USP54: variants seen among roughly 807,000 people sequenced by gnomAD.
The protein encoded by USP54 is ubiquitin specific peptidase 54.
Under a neutral mutation model 170.5 loss-of-function variants are expected in USP54, and 87 were observed. That is an observed-to-expected ratio of 0.51 (90% CI 0.43 to 0.61). The LOEUF is 0.61. Ranked by LOEUF, USP54 falls within the 20% of genes least tolerant of loss-of-function variation. The pLI, the probability that USP54 is intolerant of heterozygous loss-of-function variation, is 0.00. For synonymous variants in USP54, 655 were observed against 742.8 expected (o/e 0.88, Z 1.92); for missense variants, 1,786 against 2,047.8 (o/e 0.87, Z 2.47).
intron 1 of USP54, among the ~76,000 whole-genome samples, chr10:73,617,737 G>A (rs1032122890): frequency 1.3e-5 from 2 of 149,176 alleles, no homozygotes; most frequent in Non-Finnish European, 2.9e-5. Context: ...TTGAGAGGGC[G>A]GGGTGAAAAA....
chr10:73,585,936 G>A (rs1489906993), intron 1 of USP54, among the ~76,000 whole-genome samples: 3 of 152,100 alleles, frequency 2.0e-5, no homozygotes, highest in African/African-American at 4.8e-5. Context: ...TCTTGAACCC[G>A]GGAGGCAGAG....
intron 10 of USP54, among the ~76,000 whole-genome samples, chr10:73,537,174 G>A (rs976850079): frequency 4.6e-5 from 7 of 152,132 alleles, no homozygotes; most frequent in African/African-American, 1.7e-4. Context: ...CAGATGTCCA[G>A]TAAACTTAAA....
intron 17 of USP54, among the ~76,000 whole-genome samples, chr10:73,522,726 T>C (rs2062105642): frequency 2.0e-5 from 3 of 152,080 alleles, no homozygotes; most frequent in Admixed American, 2.0e-4. Context: ...TTACCTTGAA[T>C]CAAAAGAGAG....
At chr10:73,518,264 T>C (rs2061360634) in intron 19 of USP54, 1 of 982,560 alleles carries the variant, frequency 1.0e-6, no homozygotes, top group South Asian at 4.7e-5. Context: ...TTTGGGCTCA[T>C]GGGAATACAC....
chr10:73,567,333 T>A (rs962769677), intron 4 of USP54, among the ~76,000 whole-genome samples: 3 of 152,238 alleles, frequency 2.0e-5, no homozygotes, highest in Non-Finnish European at 2.9e-5. Context: ...GTTGCTATTA[T>A]AAAATGCTTT....
intron 10 of USP54, 62 bp downstream of exon 10, chr10:73,539,382 A>G (rs951596848): frequency 9.2e-6 from 13 of 1,414,920 alleles, no homozygotes; most frequent in African/African-American, 2.8e-5. Flanking sequence ...CACTAAAGAC[A>G]AATGATTATT....
chr10:73,503,765 C>T (rs2058586830), intron 22 of USP54, among the ~76,000 whole-genome samples: 1 of 152,170 alleles, frequency 6.6e-6, no homozygotes, highest in African/African-American at 2.4e-5. Flanking sequence ...CAGAGTCTTG[C>T]TCTGTTACCC....
chr10:73,521,814 T>C (rs112346369), intron 17 of USP54, among the ~76,000 whole-genome samples: 10,535 of 152,280 alleles, frequency 0.069, 612 homozygotes, highest in East Asian at 0.3. Flanking sequence ...AGTGAATGTG[T>C]GCCAAAGCAG....
intron 1 of USP54, among the ~76,000 whole-genome samples, chr10:73,600,050 C>T (rs1253675181): frequency 6.6e-6 from 1 of 151,996 alleles, no homozygotes; most frequent in Admixed American, 6.6e-5. Context: ...TACAGGCATG[C>T]ACCACCACGC....
intron 12 of USP54, among the ~76,000 whole-genome samples, chr10:73,534,173 G>A (rs572015264): frequency 6.6e-5 from 10 of 151,610 alleles, no homozygotes; most frequent in African/African-American, 4.8e-5. Context: ...GTGCCTTTGC[G>A]TAACGAACAT....
chr10:73,609,398 G>C (rs2079941747), intron 1 of USP54, among the ~76,000 whole-genome samples: 1 of 152,172 alleles, frequency 6.6e-6, no homozygotes, highest in Non-Finnish European at 1.5e-5. Flanking sequence ...TTTCCACAGA[G>C]AATACATTTT....
chr10:73,604,142 A>G (rs1589385672), intron 1 of USP54, among the ~76,000 whole-genome samples: 2 of 151,212 alleles, frequency 1.3e-5, no homozygotes, highest in South Asian at 4.2e-4. Context: ...CCAGCTACTC[A>G]GGAGGCTGAG....
chr10:73,529,945 G>C, intron 14 of USP54, 34 bp from the exon 15 acceptor site: 2 of 1,516,230 alleles, frequency 1.3e-6, no homozygotes, highest in Non-Finnish European at 1.8e-6. Context: ...TGGAAAATGA[G>C]GTAGATTTAG....
In USP54 at chr10:73,498,652, C is replaced by T; in HGVS notation, c.5032G>A (p.Val1678Ile). The T allele has an allele frequency of 6.4e-7, 1 of 1,561,788 alleles. No homozygotes were observed. Among genetic ancestry groups the T allele is most frequent in the Non-Finnish European group, 8.7e-7 (1 of 1,153,388 alleles). Residue 1678 changes from valine (V) to isoleucine (I), a missense_variant, in exon 24 of 24, where the codon GTC becomes ATC. This residue lies in a region of USP54 where 1,418 missense variants were observed against 1,569.0 expected (regional missense o/e 0.90). Transcript: ENST00000687698. ...CTTTACCATTGACTGTGCTGCAGGA[C>T]TCTAGCCCTGATCTGCTCTCTTCTG... is the stretch of plus-strand genomic sequence containing the variant. ...APRREQIRAR[V>I]LQHSQW
At chr10:73,548,001 C>A (rs2068251150) in intron 4 of USP54, among the ~76,000 whole-genome samples, 1 of 152,012 alleles carries the variant, frequency 6.6e-6, no homozygotes, top group Admixed American at 6.6e-5. Flanking sequence ...GGGTTAATAT[C>A]CAGAATCTAC....
Position 73,575,588 on chromosome 10 carries a change from G to A in USP54, c.71C>T (p.Ser24Leu), listed in dbSNP as rs1481999659. 6.2e-7 allele frequency: 1 copy of A among 1,613,904 alleles called. No individual in the cohort carries two copies. Among genetic ancestry groups the A allele is most frequent in the African/African-American group, 1.3e-5 (1 of 74,894 alleles). The part of the protein sequence containing the change: ...SVQGMFAPRS[S>L]TSIAPSKGLS... The stretch of plus-strand genomic sequence containing the variant: ...GCCTTTGCTGGGGGCTATGGAGGTT[G>A]AGCTTCGAGGTGCAAACATCCCTTG... Residue 24 changes from serine to leucine, a missense_variant, in exon 3 of 24, where the codon TCA becomes TTA. By Grantham distance (145) the Ser-to-Leu change is moderately radical. Transcript: ENST00000687698.
chr10:73,601,325 G>A (rs1298417188), intron 1 of USP54, among the ~76,000 whole-genome samples: 1 of 152,088 alleles, frequency 6.6e-6, no homozygotes, highest in Non-Finnish European at 1.5e-5. Context: ...AAATTGTTAA[G>A]TCATGGAAAG....
At chr10:73,523,795 G>C in intron 16 of USP54, 45 bp from the exon 17 acceptor site, 1 of 1,539,720 alleles carries the variant, frequency 6.5e-7, no homozygotes, top group Non-Finnish European at 8.8e-7. Flanking sequence ...CCATTACCAA[G>C]ACTAAGTACT....
intron 1 of USP54, among the ~76,000 whole-genome samples, chr10:73,618,806 G>A (rs1436213969): frequency 6.7e-6 from 1 of 149,612 alleles, no homozygotes; most frequent in Non-Finnish European, 1.5e-5. Flanking sequence ...CAGCTACTCA[G>A]GAGGCTGAGG....
Sources: gnomAD v4.1 joint callset for allele counts (sites outside exome capture counted in the v4.1 genomes callset) on GRCh38, gnomAD v4.1.1 for gene constraint, gnomAD v4.1.1 regional missense constraint, MANE v1.5 for transcripts, NCBI Gene and HGNC (gene_info 2026-07-23, HGNC 2026-07-21) for gene names.